The following DOCK4 variants were observed in gnomAD, a reference collection of about 807,000 sequenced individuals.
DOCK4 encodes dedicator of cytokinesis 4.
A neutral mutation model predicts 268.1 loss-of-function variants in DOCK4; 97 were observed. The observed-to-expected ratio is 0.36, with a 90% CI of 0.31 to 0.43. The LOEUF is 0.43. Ranked by LOEUF, DOCK4 falls within the 20% of genes least tolerant of loss-of-function variation. The pLI, the probability that DOCK4 is intolerant of heterozygous loss-of-function variation, is 1.00. For missense variants in DOCK4, 2,145 were observed against 2,455.7 expected, an observed-to-expected ratio of 0.87 and a Z score of 2.67; for synonymous variants, 954 against 887.2, an observed-to-expected ratio of 1.08 and a Z score of -1.34.
chr7:111,792,536 C>T (rs992907888), intron 30 of DOCK4, among the ~76,000 whole-genome samples: 2 of 152,160 alleles, frequency 1.3e-5, no homozygotes, highest in Admixed American at 6.5e-5. Flanking sequence ...GCACGCACCA[C>T]CACGCCCAGC....
intron 1 of DOCK4, among the ~76,000 whole-genome samples, chr7:112,123,724 C>T (rs1044249035): frequency 6.6e-6 from 1 of 152,162 alleles, no homozygotes; most frequent in Non-Finnish European, 1.5e-5. Context: ...ACCATTACAG[C>T]CTTGAACTAT....
chr7:111,964,128 G>A (rs1797183458), intron 8 of DOCK4, among the ~76,000 whole-genome samples: 1 of 148,292 alleles, frequency 6.7e-6, no homozygotes, highest in African/African-American at 2.6e-5. Flanking sequence ...CAGAAAAACT[G>A]GAAACTCTAA....
In DOCK4 at chr7:111,732,225, C is replaced by A; in HGVS notation, c.5481+1G>T. 6.2e-7 allele frequency: 1 copy of A among 1,613,964 alleles called. No individual in the cohort carries two copies. Among genetic ancestry groups the A allele is most frequent in the South Asian group, 1.1e-5 (1 of 91,032 alleles). ...GCCTCAGTCGAAAGAAGGGCCTTTA[C>A]CTTCAATGGAGATCGCCCGGCAGGC... On this transcript the variant is annotated splice_donor_variant, in intron 52 of 52. Transcript: ENST00000428084. LOFTEE classifies it high-confidence loss of function.
chr7:112,103,524 A>C (rs1810870247), intron 1 of DOCK4, among the ~76,000 whole-genome samples: 1 of 152,212 alleles, frequency 6.6e-6, no homozygotes, highest in Non-Finnish European at 1.5e-5. Context: ...CCTGGCCCTT[A>C]AAATCAAAGG....
rs181190605 is a variant in DOCK4, at chr7:111,802,483, G to C, written c.3166+6338C>G. Among the ~76,000 whole-genome samples the C allele has an allele frequency of 2.4e-3, 368 of 152,276 alleles. 1 individual carries two copies. Among genetic ancestry groups the C allele is most frequent in the Non-Finnish European group, 4.0e-3 (274 of 68,016 alleles). On this transcript the variant is annotated intron_variant, in intron 30 of 52. Transcript: ENST00000428084. Reference sequence around the variant, plus strand: ...GCTTTTGGGTATGTGTGAAAAAAGGGGGATGGAAGAGAGAGGGAATACAAA... The same window carrying C: ...GCTTTTGGGTATGTGTGAAAAAAGGCGGATGGAAGAGAGAGGGAATACAAA...
At chr7:112,017,439 T>C (rs983189937) in intron 1 of DOCK4, among the ~76,000 whole-genome samples, 1 of 152,130 alleles carries the variant, frequency 6.6e-6, no homozygotes, top group African/African-American at 2.4e-5. Context: ...AACTGGGTGA[T>C]GGGAGGGATT....
chr7:112,119,282 C>G (rs1812478584), intron 1 of DOCK4, among the ~76,000 whole-genome samples: 1 of 152,216 alleles, frequency 6.6e-6, no homozygotes, highest in African/African-American at 2.4e-5. Context: ...CCACCCCACC[C>G]TGCCGCTTTT....
At chr7:112,066,331 G>C (rs1401196448) in intron 1 of DOCK4, among the ~76,000 whole-genome samples, 1 of 151,948 alleles carries the variant, frequency 6.6e-6, no homozygotes, top group Non-Finnish European at 1.5e-5. Flanking sequence ...CCTTCAGCCT[G>C]AGCCTTCCTG....
At chr7:112,142,798 T>C (rs547384751) in intron 1 of DOCK4, among the ~76,000 whole-genome samples, 1 of 152,280 alleles carries the variant, frequency 6.6e-6, no homozygotes, top group Admixed American at 6.5e-5. Flanking sequence ...TTGCTTTGCA[T>C]GCTTTTAAAC....
intron 12 of DOCK4, among the ~76,000 whole-genome samples, chr7:111,934,249 G>C (rs971274459): frequency 5.3e-5 from 8 of 152,088 alleles, no homozygotes; most frequent in Non-Finnish European, 1.0e-4. Context: ...CAAACCTAAA[G>C]ATGTCATTAT....
chr7:111,781,413 A>T (rs138818411), intron 35 of DOCK4, among the ~76,000 whole-genome samples: 1 of 152,344 alleles, frequency 6.6e-6, no homozygotes, highest in East Asian at 1.9e-4. Flanking sequence ...AGAATCAACT[A>T]GGAAATTTAA....
chr7:111,973,967 C>A (rs991381125), intron 8 of DOCK4, among the ~76,000 whole-genome samples: 21 of 152,054 alleles, frequency 1.4e-4, no homozygotes, highest in Non-Finnish European at 2.8e-4. Context: ...ATTCACAGTA[C>A]TTTTTTCTGA....
rs557014168 is a variant in DOCK4 at position 112,013,014 on chromosome 7, G to A, written c.38-8883C>T. On this transcript the variant is annotated intron_variant, in intron 1 of 52. Coordinates refer to ENST00000428084, the MANE Select transcript of DOCK4 (RefSeq NM_001363540.2). ...AAAAAAGTTAGCAAATATCACAAAA[G>A]TGAATTGGAAGACAGAGACCCAGCC... 2.0e-5 allele frequency among the ~76,000 whole-genome samples: 3 copies of A among 152,124 alleles called. No individual in the cohort carries two copies. In the South Asian group the frequency reaches 6.2e-4, roughly 31 times the overall value.
intron 1 of DOCK4, among the ~76,000 whole-genome samples, chr7:112,016,451 T>C (rs1801814422): frequency 6.6e-6 from 1 of 152,232 alleles, no homozygotes; most frequent in Non-Finnish European, 1.5e-5. Context: ...GTCCCAGGTT[T>C]CTCCACTGTA....
chr7:112,199,232 C>T lies in DOCK4; in HGVS notation c.37+6870G>A, dbSNP rs1019612873. Among the ~76,000 whole-genome samples the T allele has an allele frequency of 3.9e-5, 6 of 152,266 alleles. No homozygotes were observed. The Middle Eastern group carries it at 0.014, about 345-fold the overall frequency. ...AAATATGAGTGATAACTGAATCCTC[C>T]TTCATGAGGTATCATGAAGATTAAA... is the stretch of plus-strand genomic sequence containing the variant. On this transcript the variant is annotated intron_variant, in intron 1 of 52. Transcript: ENST00000428084.
Position 111,908,442 on chromosome 7 carries a change from C to T in DOCK4, c.1193-6641G>A, listed in dbSNP as rs557142300. 1.6e-4 allele frequency among the ~76,000 whole-genome samples: 20 copies of T among 127,120 alleles called. No homozygotes were observed. The South Asian group carries it at 2.8e-3, about 18-fold the overall frequency. The allele number at this position is 127,120 out of a possible 152,430, so 83.4% of individuals were successfully genotyped here. ...CAGCCTGGGCAACAGAGTGAGACTC[C>T]GTCTCAAAAAAATAAATAAAATAAT... On this transcript the variant is annotated intron_variant, in intron 13 of 52. Coordinates refer to ENST00000428084, the MANE Select transcript of DOCK4 (RefSeq NM_001363540.2).
chr7:111,757,922 A>G (rs772737140), intron 41 of DOCK4, among the ~76,000 whole-genome samples: 3 of 152,158 alleles, frequency 2.0e-5, no homozygotes, highest in Non-Finnish European at 4.4e-5. Flanking sequence ...GTTTGCAAAG[A>G]AAGGGGCAGA....
intron 27 of DOCK4, 26 bp from the exon 28 acceptor site, chr7:111,811,975 G>A (rs1429761051): frequency 7.7e-7 from 1 of 1,296,582 alleles, no homozygotes; most frequent in Non-Finnish European, 1.1e-6. Context: ...ATGACAAGGT[G>A]AAAACTTCAT....
chr7:111,868,709 TA>T (rs981453095), intron 21 of DOCK4, among the ~76,000 whole-genome samples: 16 of 123,244 alleles, frequency 1.3e-4, no homozygotes, highest in Non-Finnish European at 2.2e-4. Context: ...AAATTCCGTC[TA>T]AAAAAAAAAT....
Sources: allele counts gnomAD v4.1 joint callset (sites outside exome capture counted in the v4.1 genomes callset), GRCh38; gene constraint gnomAD v4.1.1; transcripts MANE v1.5; gene names NCBI Gene and HGNC (gene_info 2026-07-23, HGNC 2026-07-21).